HECW1: variants seen among roughly 807,000 people sequenced by gnomAD.
HECW1 encodes HECT, C2 and WW domain containing E3 ubiquitin protein ligase 1, also known as E3 ubiquitin-protein ligase HECW1.
In HECW1, 61 loss-of-function variants were observed where a neutral mutation model predicts 182.3. The observed-to-expected ratio is 0.33, with a 90% CI of 0.27 to 0.41. The LOEUF (loss-of-function observed/expected upper bound fraction) is 0.41. HECW1 is among the 10% of genes least tolerant of loss of function. The pLI, the probability that HECW1 is intolerant of heterozygous loss-of-function variation, is 1.00. For missense variants in HECW1, 1,739 were observed against 2,108.9 expected (o/e 0.82, Z 3.44); for synonymous variants, 859 against 832.6 (o/e 1.03, Z -0.55).
intron 3 of HECW1, among the ~76,000 whole-genome samples, chr7:43,298,552 A>C (rs1183847452): frequency 6.6e-6 from 1 of 152,226 alleles, no homozygotes; most frequent in Non-Finnish European, 1.5e-5. Flanking sequence ...AACCGATGGC[A>C]ATGAGACCTG....
chr7:43,408,191 T>C (rs10255565), intron 8 of HECW1, among the ~76,000 whole-genome samples: 30,694 of 152,112 alleles, frequency 0.2, 3,535 homozygotes, highest in East Asian at 0.33. Context: ...AGCCCTAAAA[T>C]ATCCCTGGTT....
chr7:43,291,249 A>G (rs1031385982), intron 3 of HECW1, among the ~76,000 whole-genome samples: 1 of 152,246 alleles, frequency 6.6e-6, no homozygotes, highest in African/African-American at 2.4e-5. Context: ...GGAAAAGCAG[A>G]CATATTTATC....
At chr7:43,371,302 GTAA>G (rs1024149677) in intron 6 of HECW1, among the ~76,000 whole-genome samples, 6 of 152,156 alleles carry the variant, frequency 3.9e-5, no homozygotes, top group Non-Finnish European at 8.8e-5. Context: ...TGCACTTTGG[GTAA>G]TAATGATGTG....
chr7:43,296,814 C>A (rs1806115282), intron 3 of HECW1, among the ~76,000 whole-genome samples: 1 of 152,236 alleles, frequency 6.6e-6, no homozygotes, highest in African/African-American at 2.4e-5. Context: ...AGCTCTGCTC[C>A]TTGCTGGAAA....
intron 12 of HECW1, among the ~76,000 whole-genome samples, chr7:43,451,367 C>T (rs905109106): frequency 6.6e-6 from 1 of 152,226 alleles, no homozygotes; most frequent in Non-Finnish European, 1.5e-5. Context: ...CATCTGGGCA[C>T]ATGAACTTGT....
At chr7:43,497,694 G>A (rs1207606996) in intron 19 of HECW1, among the ~76,000 whole-genome samples, 1 of 152,094 alleles carries the variant, frequency 6.6e-6, no homozygotes, top group Non-Finnish European at 1.5e-5. Flanking sequence ...GAGCAGTTTG[G>A]GGTGATACTG....
At chr7:43,215,480 A>T (rs371491837) in intron 2 of HECW1, among the ~76,000 whole-genome samples, 4 of 152,318 alleles carry the variant, frequency 2.6e-5, no homozygotes, top group African/African-American at 9.6e-5. Flanking sequence ...TTCATTTCTG[A>T]GCAGTATGTA....
chr7:43,558,347 G>A (rs1460875844), intron 29 of HECW1, among the ~76,000 whole-genome samples: 1 of 152,206 alleles, frequency 6.6e-6, no homozygotes, highest in East Asian at 1.9e-4. Flanking sequence ...TGGCCTAAAA[G>A]TTGCAAACGA....
intron 2 of HECW1, among the ~76,000 whole-genome samples, chr7:43,153,657 G>C (rs1789582557): frequency 6.6e-6 from 1 of 152,164 alleles, no homozygotes; most frequent in Non-Finnish European, 1.5e-5. Flanking sequence ...GCCTCTCCAA[G>C]AGCTATGTGG....
intron 14 of HECW1, among the ~76,000 whole-genome samples, chr7:43,465,458 G>A (rs2077731087): frequency 6.6e-6 from 1 of 152,230 alleles, no homozygotes; most frequent in South Asian, 2.1e-4. Flanking sequence ...CTCTCATCTT[G>A]CAGCAGGCTT....
chr7:43,541,117 A>G (rs1489351744), intron 24 of HECW1, 46 bp from the exon 25 acceptor site: 1 of 1,409,276 alleles, frequency 7.1e-7, no homozygotes, highest in Non-Finnish European at 1.0e-6. Flanking sequence ...ATATTTAACA[A>G]TGTAAATTTC....
At chr7:43,127,540 A>AAG (rs1554288022) in intron 2 of HECW1, among the ~76,000 whole-genome samples, 2 of 151,420 alleles carry the variant, frequency 1.3e-5, no homozygotes, top group African/African-American at 4.8e-5. Context: ...AAAAAAAAAA[A>AAG]AAAAAAGGAA....
At chr7:43,450,773 A>T (rs1407770319) in intron 11 of HECW1, 55 bp from the exon 12 acceptor site, 2 of 1,104,762 alleles carry the variant, frequency 1.8e-6, no homozygotes, top group Admixed American at 1.7e-5. Context: ...TGCTTTTTTG[A>T]TGATGTTGCC....
intron 7 of HECW1, among the ~76,000 whole-genome samples, chr7:43,404,617 TATTTGAGA>T (rs1178550550): frequency 6.6e-6 from 1 of 152,228 alleles, no homozygotes; most frequent in Admixed American, 6.5e-5. Context: ...GACTCATTTA[TATTTGAGA>T]ATTTAACCTA....
At chr7:43,446,661 A>G (rs1041639951) in intron 11 of HECW1, among the ~76,000 whole-genome samples, 2 of 152,256 alleles carry the variant, frequency 1.3e-5, no homozygotes, top group Non-Finnish European at 2.9e-5. Flanking sequence ...AGCATTAAAA[A>G]AAATAATTTT....
intron 6 of HECW1, among the ~76,000 whole-genome samples, chr7:43,367,616 T>C (rs1389348596): frequency 6.6e-6 from 1 of 152,236 alleles, no homozygotes; most frequent in Non-Finnish European, 1.5e-5. Context: ...TAGAATTACA[T>C]ACATGATTTA....
intron 16 of HECW1, among the ~76,000 whole-genome samples, chr7:43,475,679 T>C (rs2078195338): frequency 6.6e-6 from 1 of 152,084 alleles, no homozygotes; most frequent in Admixed American, 6.6e-5. Flanking sequence ...GTCTCCTGAG[T>C]AGCTGGGACC....
chr7:43,472,345 C>T (rs138335064), intron 16 of HECW1, among the ~76,000 whole-genome samples: 1 of 152,330 alleles, frequency 6.6e-6, no homozygotes, highest in East Asian at 1.9e-4. Context: ...CCATGTGCTC[C>T]CCCATGTCAC....
At chr7:43,533,065 A>T (rs1377886794) in intron 24 of HECW1, among the ~76,000 whole-genome samples, 1 of 152,008 alleles carries the variant, frequency 6.6e-6, no homozygotes, top group Admixed American at 6.6e-5. Context: ...ATCACTCTCC[A>T]CCGCCAGTGG....
Sources: allele counts gnomAD v4.1 joint callset (sites outside exome capture counted in the v4.1 genomes callset), GRCh38; gene constraint gnomAD v4.1.1; transcripts MANE v1.5; gene names NCBI Gene and HGNC (gene_info 2026-07-23, HGNC 2026-07-21).